MGA: variants seen among roughly 807,000 people sequenced by gnomAD.
MGA encodes MAX gene-associated protein.
A neutral mutation model predicts 261.1 loss-of-function variants in MGA; 40 were observed. The observed-to-expected ratio is 0.15, with a 90% CI of 0.12 to 0.20. The LOEUF is 0.20. Ranked by LOEUF, MGA falls within the 10% of genes least tolerant of loss-of-function variation. MGA has a pLI of 1.00. For missense variants in MGA, 3,397 were observed against 3,630.5 expected (o/e 0.94, Z 1.65); for synonymous variants, 1,302 against 1,290.6 (o/e 1.01, Z -0.19).
At chr15:41,714,616 G>T (rs2060537799) in intron 9 of MGA, among the ~76,000 whole-genome samples, 1 of 152,072 alleles carries the variant, frequency 6.6e-6, no homozygotes, top group African/African-American at 2.4e-5. Flanking sequence ...TGATTTTCCT[G>T]CCCCAGCCTC....
At chr15:41,699,654 A>C (rs2059733071) in intron 5 of MGA, among the ~76,000 whole-genome samples, 1 of 152,114 alleles carries the variant, frequency 6.6e-6, no homozygotes, top group Non-Finnish European at 1.5e-5. Context: ...GGCGCCTGCC[A>C]CCGCGCCTGG....
At chr15:41,733,742 G>T (rs1046949963) in intron 11 of MGA, among the ~76,000 whole-genome samples, 5 of 152,154 alleles carry the variant, frequency 3.3e-5, no homozygotes, top group Admixed American at 6.5e-5. Context: ...TAGCTGTTCA[G>T]TGCACTATTG....
intron 2 of MGA, among the ~76,000 whole-genome samples, chr15:41,686,402 A>T (rs2058971216): frequency 6.6e-6 from 1 of 152,106 alleles, no homozygotes; most frequent in African/African-American, 2.4e-5. Flanking sequence ...ATGGTGGCAC[A>T]CACCTGTAGG....
At chr15:41,760,250 A>T in intron 19 of MGA, 73 bp from the exon 20 acceptor site, 1 of 1,391,954 alleles carries the variant, frequency 7.2e-7, no homozygotes, top group Non-Finnish European at 1.0e-6. Context: ...GAAATAGGGC[A>T]GTGTCATTTG....
intron 13 of MGA, among the ~76,000 whole-genome samples, chr15:41,737,330 T>G (rs959700855): frequency 1.2e-4 from 18 of 151,762 alleles, no homozygotes; most frequent in African/African-American, 3.4e-4. Context: ...TTTTGTTTTT[T>G]TTTTAGTAGA....
chr15:41,710,949 C>T lies in MGA; in HGVS notation c.2684C>T (p.Ser895Phe). ...AAACCTCATTCTGTACCCCCTGTCT[C>T]TCGAAAGGCAAAGTCTCAAAACAGA... The change falls in exon 8 of 24, where the codon TCT (serine) becomes TTT (phenylalanine). Residue 895 changes from serine to phenylalanine, a missense_variant. Physicochemically the swap from Ser to Phe is radical, Grantham distance 155. This residue lies in a region of MGA where 519 missense variants were observed against 554.1 expected (regional missense o/e 0.94). Transcript: ENST00000219905. The T allele has an allele frequency of 2.5e-6, 4 of 1,613,954 alleles. No individual in the cohort carries two copies. Among genetic ancestry groups the T allele is most frequent in the South Asian group, 2.2e-5 (2 of 91,076 alleles).
At chr15:41,745,281 T>TAAA (rs71108126) in intron 15 of MGA, among the ~76,000 whole-genome samples, 1 of 33,240 alleles carries the variant, frequency 3.0e-5, no homozygotes, top group Admixed American at 3.9e-4. Context: ...GAATGATCAA[T>TAAA]AAAAAAAAAA....
rs757714309 is a variant in MGA at position 41,669,892 on chromosome 15, T to C, written c.998T>C (p.Leu333Pro). 3 of 1,613,988 alleles carry C rather than the reference T, an allele frequency of 1.9e-6. No individual in the cohort carries two copies. The change falls in exon 2 of 24, where the codon CTT becomes CCT. Residue 333 changes from leucine (L) to proline (P), a missense_variant. Transcript: ENST00000219905. ...TCCCTTAATATAAAACGAGACTTTC[T>C]TGGTTTCATGGATACTGATTCAGCA...
intron 2 of MGA, among the ~76,000 whole-genome samples, chr15:41,670,567 A>G (rs927853263): frequency 9.9e-5 from 15 of 152,022 alleles, no homozygotes; most frequent in African/African-American, 3.4e-4. Context: ...GTGCAGTGGC[A>G]TGATCTCCGC....
intron 2 of MGA, among the ~76,000 whole-genome samples, chr15:41,693,480 A>C (rs1004388227): frequency 2.6e-5 from 4 of 152,098 alleles, no homozygotes; most frequent in Non-Finnish European, 5.9e-5. Context: ...TTAAAATCTT[A>C]AGTAGAAATT....
At position 41,680,923 on chromosome 15, in the gene MGA, A is replaced by G. The variant is rs140865551; in HGVS notation, c.1064+10965A>G. On this transcript the variant is annotated intron_variant, in intron 2 of 23. Coordinates refer to ENST00000219905, the MANE Select transcript of MGA (RefSeq NM_001164273.2). ...CTCAGAGTCCCAGTTCTTTAATCAC[A>G]GTGTTGTTGTTTTTGGAGACCAGTG... Among the ~76,000 whole-genome samples the G allele has an allele frequency of 8.1e-4, 123 of 152,222 alleles. 1 individual carries two copies. Among genetic ancestry groups the G allele is most frequent in the African/African-American group, 2.8e-3 (117 of 41,520 alleles).
intron 9 of MGA, among the ~76,000 whole-genome samples, chr15:41,716,722 A>G (rs867219686): frequency 1.3e-5 from 2 of 152,196 alleles, no homozygotes. Context: ...AAAAATAAAC[A>G]TAAATGTTTA....
At chr15:41,630,493 T>TA (rs2056565496) in intron 1 of MGA, among the ~76,000 whole-genome samples, 1 of 152,210 alleles carries the variant, frequency 6.6e-6, no homozygotes, top group South Asian at 2.1e-4. Context: ...AACTAAATCT[T>TA]ACAATACACG....
chr15:41,652,458 T>TG (rs2057087639), intron 1 of MGA, among the ~76,000 whole-genome samples: 2 of 151,494 alleles, frequency 1.3e-5, no homozygotes, highest in South Asian at 4.2e-4. Context: ...GTCAAACTTC[T>TG]GGGCTCAAAT....
At chr15:41,731,310 A>G (rs143716578) in intron 11 of MGA, among the ~76,000 whole-genome samples, 6 of 152,282 alleles carry the variant, frequency 3.9e-5, no homozygotes, top group African/African-American at 1.4e-4. Context: ...TAGTTAAGCT[A>G]GTAGCATTTA....
chr15:41,749,912 G>A lies in MGA; in HGVS notation c.6305G>A (p.Ser2102Asn). ...AGTAATAAGACAGTCCAAAATTTAA[G>A]TAAAGTACAGCATCAAAAACTTGGT... Residue 2102 changes from serine to asparagine, a missense_variant, in exon 17 of 24, where the codon AGT becomes AAT. Physicochemically the swap from Ser to Asn is conservative, Grantham distance 46. Transcript: ENST00000219905. 6.2e-7 allele frequency: 1 copy of A among 1,613,938 alleles called. No homozygotes were observed. Among genetic ancestry groups the A allele is most frequent in the Non-Finnish European group, 8.5e-7 (1 of 1,179,882 alleles).
intron 1 of MGA, among the ~76,000 whole-genome samples, chr15:41,667,519 T>C (rs1385807932): frequency 6.6e-6 from 1 of 152,094 alleles, no homozygotes; most frequent in Non-Finnish European, 1.5e-5. Context: ...GTGCTTGGAT[T>C]ACAGGCGTGA....
intron 1 of MGA, among the ~76,000 whole-genome samples, chr15:41,667,811 T>C (rs1015746558): frequency 2.0e-5 from 3 of 152,142 alleles, no homozygotes; most frequent in Admixed American, 6.5e-5. Context: ...TTATTTTATT[T>C]TTATTTCTTT....
At chr15:41,627,707 G>C (rs1358879831) in intron 1 of MGA, among the ~76,000 whole-genome samples, 2 of 152,166 alleles carry the variant, frequency 1.3e-5, no homozygotes, top group Non-Finnish European at 2.9e-5. Context: ...AAGGATAGTG[G>C]ATATTATAAT....
Sources: allele counts gnomAD v4.1 joint callset (sites outside exome capture counted in the v4.1 genomes callset), GRCh38; gene constraint gnomAD v4.1.1; regional missense constraint gnomAD v4.1.1; transcripts MANE v1.5; gene names NCBI Gene and HGNC (gene_info 2026-07-23, HGNC 2026-07-21).